The following RTCA variants were observed in gnomAD, a reference collection of about 807,000 sequenced individuals.
RTCA encodes RNA 3'-terminal phosphate cyclase.
Under a neutral mutation model 46.1 loss-of-function variants are expected in RTCA, and 37 were observed. The observed-to-expected ratio is 0.80, with a 90% CI of 0.62 to 1.06. The LOEUF is 1.06. RTCA is among the 50% of genes least tolerant of loss of function. The pLI is 0.00. For synonymous variants in RTCA, 164 were observed against 158.3 expected, an observed-to-expected ratio of 1.04 and a Z score of -0.27; for missense variants, 435 against 455.5, an observed-to-expected ratio of 0.95 and a Z score of 0.41.
At chr1:100,270,814 T>C in intron 4 of RTCA, 134 bp downstream of exon 4, 1 of 1,138,444 alleles carries the variant, frequency 8.8e-7, no homozygotes, top group East Asian at 2.5e-5. Flanking sequence ...TTTCTTTCTT[T>C]CTTTTTTTTT....
At position 100,268,216 on chromosome 1, in the gene RTCA, G is replaced by T. The variant is rs1355516742; in HGVS notation, c.211G>T (p.Glu71Ter). The T allele has an allele frequency of 1.2e-6, 2 of 1,614,186 alleles. No homozygotes were observed. Among genetic ancestry groups the T allele is most frequent in the Non-Finnish European group, 1.7e-6 (2 of 1,180,024 alleles). ...DLCDGQLEGA[E>*]IGSTEITFTP... ...GTGTGATGGGCAACTGGAGGGGGCA[G>T]AAATTGGCTCAACAGAAATAACCTT... is the stretch of plus-strand genomic sequence containing the variant. Residue 71 changes from glutamate to a stop codon, truncating the protein, a stop_gained, in exon 3 of 11, where the codon GAA (glutamate) becomes TAA (stop). Coordinates refer to ENST00000370128, the MANE Select transcript of RTCA (RefSeq NM_003729.4). LOFTEE classifies it high-confidence loss of function.
At position 100,285,261 on chromosome 1, in the gene RTCA, C is replaced by A; in HGVS notation, c.833C>A (p.Ala278Asp). The A allele has an allele frequency of 6.2e-7, 1 of 1,613,544 alleles. No homozygotes were observed. Among genetic ancestry groups the A allele is most frequent in the Non-Finnish European group, 8.5e-7 (1 of 1,179,664 alleles). The change falls in exon 9 of 11, where the codon GCC becomes GAC. Residue 278 changes from alanine (A) to aspartate (D), a missense_variant. Physicochemically the swap from Ala to Asp is moderately radical, Grantham distance 126. Coordinates refer to ENST00000370128, the MANE Select transcript of RTCA (RefSeq NM_003729.4). ...VNADKVGIEA[A>D]EMLLANLRHG... ...GCAGACAAAGTTGGAATTGAAGCTG[C>A]CGAAATGCTATTAGCAAATCTTAGA...
chr1:100,266,364 A>G lies in RTCA; in HGVS notation c.-12A>G, dbSNP rs375661771. 1 of 1,610,556 alleles carries G rather than the reference A, an allele frequency of 6.2e-7. No individual in the cohort carries two copies. The highest frequency in any genetic ancestry group is 1.3e-5 in the African/African-American group (1 of 74,652). On this transcript the variant is annotated 5_prime_UTR_variant, in exon 1 of 11. Transcript: ENST00000370128. ...GCTTTGTCGCTGCGGGCTGGGCCCC[A>G]GGGTGTCCCCCATGGCGGGGCCGCG...
chr1:100,289,435 C>G (rs1667235470), intron 10 of RTCA, among the ~76,000 whole-genome samples: 1 of 152,054 alleles, frequency 6.6e-6, no homozygotes. Context: ...AGCTACTGTG[C>G]CCAGTTTGAT....
Position 100,266,333 on chromosome 1 carries a change from G to A in RTCA, c.-43G>A. 2 of 1,600,474 alleles carry A rather than the reference G, an allele frequency of 1.2e-6. No homozygotes were observed. Among genetic ancestry groups the A allele is most frequent in the South Asian group, 2.2e-5 (2 of 89,392 alleles). ...AACGTCTCTTCTTTCTCCCGCTCTG[G>A]CGGAGGCTTTGTCGCTGCGGGCTGG... On this transcript the variant is annotated 5_prime_UTR_variant, in exon 1 of 11. Coordinates refer to ENST00000370128, the MANE Select transcript of RTCA (RefSeq NM_003729.4).
chr1:100,289,001 T>A (rs570308624), intron 10 of RTCA, among the ~76,000 whole-genome samples: 14 of 152,290 alleles, frequency 9.2e-5, no homozygotes, highest in Non-Finnish European at 1.6e-4. Flanking sequence ...TTTTGTACTT[T>A]TTAGCAGAGA....
intron 5 of RTCA, among the ~76,000 whole-genome samples, chr1:100,273,888 A>G (rs973031026): frequency 2.0e-5 from 3 of 152,212 alleles, no homozygotes; most frequent in Non-Finnish European, 4.4e-5. Context: ...CACAATCACT[A>G]GGCCATATTT....
At chr1:100,267,293 C>T in intron 2 of RTCA, 1 of 455,084 alleles carries the variant, frequency 2.2e-6, no homozygotes. Flanking sequence ...CGGTCTCAGT[C>T]TTTTGTCTAC....
intron 4 of RTCA, 123 bp downstream of exon 4, chr1:100,270,803 C>CTT: frequency 8.6e-7 from 1 of 1,156,242 alleles, no homozygotes; most frequent in Non-Finnish European, 1.2e-6. Flanking sequence ...GGTGTCTTTT[C>CTT]TTTCTTTCTT....
At chr1:100,285,153 C>T in intron 8 of RTCA, 75 bp from the exon 9 acceptor site, 1 of 1,303,746 alleles carries the variant, frequency 7.7e-7, no homozygotes. Context: ...TGGGATATAC[C>T]AAACTTTTTG....
rs1667370067 is a variant in RTCA at position 100,291,880 on chromosome 1, T to C, written c.*376T>C. On this transcript the variant is annotated 3_prime_UTR_variant, in exon 11 of 11. Coordinates refer to ENST00000370128, the MANE Select transcript of RTCA (RefSeq NM_003729.4). ...TGCTGAAATCACATCTCAAGTATAA[T>C]GAGGCAACTTTATGCAAATGTACTT... 1 of 154,340 alleles carries C rather than the reference T, an allele frequency of 6.5e-6. No individual in the cohort carries two copies. Among genetic ancestry groups the C allele is most frequent in the Non-Finnish European group, 1.4e-5 (1 of 69,632 alleles). The allele number at this position is 154,340 out of a possible 1,614,324, so 9.6% of individuals were successfully genotyped here. A position where few individuals can be genotyped will look rare whatever the true frequency, so the allele number is the denominator to read the frequency against.
intron 5 of RTCA, 78 bp downstream of exon 5, chr1:100,273,530 T>A (rs1666214689): frequency 1.2e-6 from 1 of 847,172 alleles, no homozygotes; most frequent in South Asian, 1.8e-5. Context: ...CTTAGAGAAC[T>A]GTCTTTCTGG....
chr1:100,280,055 G>A (rs539800701), intron 8 of RTCA, among the ~76,000 whole-genome samples: 74 of 152,230 alleles, frequency 4.9e-4, no homozygotes, highest in Non-Finnish European at 8.1e-4. Context: ...AATGGTAAGG[G>A]CCTGTGCCAA....
At chr1:100,286,112 C>G (rs540874041) in intron 9 of RTCA, among the ~76,000 whole-genome samples, 1 of 152,244 alleles carries the variant, frequency 6.6e-6, no homozygotes, top group East Asian at 1.9e-4. Context: ...TCATAATATC[C>G]CCTATGCCTG....
chr1:100,290,375 A>T (rs1667278596), intron 10 of RTCA, among the ~76,000 whole-genome samples: 1 of 152,062 alleles, frequency 6.6e-6, no homozygotes, highest in South Asian at 2.1e-4. Flanking sequence ...AATAGCTGGG[A>T]TTATAGGTGT....
chr1:100,281,559 T>C (rs1052721013), intron 8 of RTCA, among the ~76,000 whole-genome samples: 1 of 152,236 alleles, frequency 6.6e-6, no homozygotes, highest in East Asian at 1.9e-4. Context: ...CAGTTAGTTA[T>C]ATTCTTTACT....
At chr1:100,276,608 C>T (rs1054475322) in intron 7 of RTCA, among the ~76,000 whole-genome samples, 1 of 152,004 alleles carries the variant, frequency 6.6e-6, no homozygotes, top group Admixed American at 6.6e-5. Flanking sequence ...ACCTGGGAGG[C>T]GGATGTTGCA....
rs560755465 is a variant in RTCA at position 100,278,682 on chromosome 1, A to T, written c.799+1366A>T. Among the ~76,000 whole-genome samples the T allele has an allele frequency of 9.8e-5, 15 of 152,354 alleles. No individual in the cohort carries two copies. In the South Asian group the frequency reaches 1.2e-3, roughly 13 times the overall value. ...ACTATTACTACTGAATACAAAAAAA[A>T]TTAGGAATTCTTCAGTTTGCTCAGT... On this transcript the variant is annotated intron_variant, in intron 8 of 10. Transcript: ENST00000370128.
chr1:100,283,352 G>C (rs117200290), intron 8 of RTCA, among the ~76,000 whole-genome samples: 6 of 151,392 alleles, frequency 4.0e-5, no homozygotes, highest in African/African-American at 1.5e-4. Context: ...TGTATTTTTA[G>C]TATTTCACCA....
Sources: allele counts gnomAD v4.1 joint callset (sites outside exome capture counted in the v4.1 genomes callset), GRCh38; gene constraint gnomAD v4.1.1; transcripts MANE v1.5; gene names NCBI Gene and HGNC (gene_info 2026-07-23, HGNC 2026-07-21).